RUNX1: variants seen among roughly 807,000 people sequenced by gnomAD.
RUNX1 encodes runt-related transcription factor 1.
Under a neutral mutation model 42.8 loss-of-function variants are expected in RUNX1, and 19 were observed. That is an observed-to-expected ratio of 0.44 (90% CI 0.31 to 0.65). RUNX1 has a LOEUF of 0.65. RUNX1 is among the 30% of genes least tolerant of loss of function. RUNX1 has a pLI of 0.07. For synonymous variants in RUNX1, 271 were observed against 289.4 expected (o/e 0.94, Z 0.64); for missense variants, 528 against 672.0 (o/e 0.79, Z 2.37).
chr21:34,954,312 G>A (rs1258793521), intron 2 of RUNX1, among the ~76,000 whole-genome samples: 2 of 152,174 alleles, frequency 1.3e-5, no homozygotes, highest in Admixed American at 6.5e-5. Context: ...AGGAGAAAAG[G>A]AGAGGGGAAA....
At chr21:34,873,225 C>T (rs955599430) in intron 5 of RUNX1, among the ~76,000 whole-genome samples, 1 of 152,194 alleles carries the variant, frequency 6.6e-6, no homozygotes, top group African/African-American at 2.4e-5. Flanking sequence ...ATCTGATGAG[C>T]ACACAGATGA....
intron 7 of RUNX1, among the ~76,000 whole-genome samples, chr21:34,806,514 T>C (rs73362032): frequency 0.032 from 4,806 of 152,170 alleles, 231 homozygotes; most frequent in African/African-American, 0.11. Flanking sequence ...CACGGAGAAA[T>C]AGGTAAATAC....
chr21:34,791,351 C>T lies in RUNX1; in HGVS notation c.*784G>A, dbSNP rs1300725671. ...TAAAAAATTATCAACACATAAATGT[C>T]TGAACATCAAGATACATAAATATCT... On this transcript the variant is annotated 3_prime_UTR_variant, in exon 9 of 9. Transcript: ENST00000675419. 1 of 230,170 alleles carries T rather than the reference C, an allele frequency of 4.3e-6. No homozygotes were observed. The highest frequency in any genetic ancestry group is 2.2e-5 in the African/African-American group (1 of 45,014). The allele number at this position is 230,170 out of a possible 1,614,324, so 14.3% of individuals were successfully genotyped here.
intron 2 of RUNX1, among the ~76,000 whole-genome samples, chr21:34,931,642 T>C (rs1484445274): frequency 1.5e-5 from 2 of 135,192 alleles, no homozygotes; most frequent in Non-Finnish European, 3.0e-5. Flanking sequence ...ATAAGGTTTA[T>C]CTGGGGTCCC....
intron 6 of RUNX1, among the ~76,000 whole-genome samples, chr21:34,839,652 G>A (rs1234526794): frequency 1.3e-5 from 2 of 152,130 alleles, no homozygotes; most frequent in Non-Finnish European, 2.9e-5. Context: ...CTGCTTGAGT[G>A]GGCAATGGAA....
At chr21:35,026,869 T>C (rs1429449705) in intron 2 of RUNX1, among the ~76,000 whole-genome samples, 1 of 152,266 alleles carries the variant, frequency 6.6e-6, no homozygotes, top group African/African-American at 2.4e-5. Context: ...ACGGAACTTC[T>C]GCAAAAGCTG....
chr21:34,978,099 G>A (rs781699871), intron 2 of RUNX1, among the ~76,000 whole-genome samples: 32 of 151,942 alleles, frequency 2.1e-4, no homozygotes, highest in Non-Finnish European at 3.5e-4. Context: ...CACCATGCCC[G>A]GCTAATTTTT....
intron 2 of RUNX1, among the ~76,000 whole-genome samples, chr21:34,960,960 T>C (rs1247023507): frequency 2.6e-5 from 4 of 152,184 alleles, no homozygotes; most frequent in African/African-American, 9.7e-5. Context: ...TCCTTTGGAA[T>C]TAGCAGACAG....
At chr21:34,859,627 A>G (rs1324709679) in intron 5 of RUNX1, 49 bp from the exon 6 acceptor site, 2 of 1,387,822 alleles carry the variant, frequency 1.4e-6, no homozygotes, top group Non-Finnish European at 1.0e-6. Flanking sequence ...GGTGGCCTGA[A>G]CATATCTGTT....
chr21:34,990,931 C>A (rs746335732), intron 2 of RUNX1, among the ~76,000 whole-genome samples: 1 of 152,162 alleles, frequency 6.6e-6, no homozygotes, highest in African/African-American at 2.4e-5. Flanking sequence ...TAAAAGCAGA[C>A]AAATGCTCAG....
chr21:34,869,267 C>T (rs2057704906), intron 5 of RUNX1, among the ~76,000 whole-genome samples: 1 of 152,194 alleles, frequency 6.6e-6, no homozygotes, highest in African/African-American at 2.4e-5. Context: ...TAGTTACATA[C>T]ACACCATCTC....
At chr21:35,042,396 G>A (rs891281950) in intron 2 of RUNX1, among the ~76,000 whole-genome samples, 3 of 152,348 alleles carry the variant, frequency 2.0e-5, no homozygotes, top group Admixed American at 1.3e-4. Flanking sequence ...CACACAGCCT[G>A]TCTTTGTCAC....
Position 35,047,514 on chromosome 21 carries a change from A to AAC in RUNX1, c.58+1326_58+1327dup, listed in dbSNP as rs145398828. ...CTTTAACTTCTCTCTTGCCATCTCC[A>AAC]ACACACACACACACACACACACACA... is the stretch of plus-strand genomic sequence containing the variant. On this transcript the variant is annotated intron_variant, in intron 2 of 8. Transcript: ENST00000675419. 3.1e-3 allele frequency among the ~76,000 whole-genome samples: 219 copies of AAC among 70,618 alleles called. 3 individuals carry two copies. The highest frequency in any genetic ancestry group is 8.2e-3 in the East Asian group (15 of 1,822). The allele number at this position is 70,618 out of a possible 152,430, so 46.3% of individuals were successfully genotyped here.
chr21:34,844,647 A>C (rs890084535), intron 6 of RUNX1, among the ~76,000 whole-genome samples: 6 of 152,202 alleles, frequency 3.9e-5, no homozygotes, highest in Non-Finnish European at 8.8e-5. Context: ...TTTATTCTGG[A>C]ATGCTCATCC....
intron 2 of RUNX1, among the ~76,000 whole-genome samples, chr21:34,992,689 G>GA (rs1215066347): frequency 2.7e-3 from 349 of 129,944 alleles, no homozygotes; most frequent in Admixed American, 4.6e-3. Flanking sequence ...AAAAAAAAAA[G>GA]AAAAAAAAAA....
chr21:34,804,741 A>AC (rs899138513), intron 7 of RUNX1, among the ~76,000 whole-genome samples: 3 of 128,104 alleles, frequency 2.3e-5, no homozygotes, highest in Non-Finnish European at 3.2e-5. Context: ...GGAGATGGAA[A>AC]CTTTTTTTTT....
intron 2 of RUNX1, among the ~76,000 whole-genome samples, chr21:34,962,255 T>C (rs1015293498): frequency 6.6e-6 from 1 of 152,212 alleles, no homozygotes; most frequent in Admixed American, 6.5e-5. Flanking sequence ...GAGAAGTTCA[T>C]TGCACTGTTT....
intron 2 of RUNX1, among the ~76,000 whole-genome samples, chr21:35,005,382 T>G (rs2059076679): frequency 6.6e-6 from 1 of 152,154 alleles, no homozygotes; most frequent in Non-Finnish European, 1.5e-5. Context: ...ACAATTAAAT[T>G]CCACACTTGA....
In RUNX1 at chr21:34,800,033, G is replaced by A. The variant is rs752835245; in HGVS notation, c.806-571C>T. 5.9e-5 allele frequency among the ~76,000 whole-genome samples: 9 copies of A among 152,224 alleles called. No homozygotes were observed. The East Asian group carries it at 1.4e-3, about 23-fold the overall frequency. ...GGAAAGAAGGTCTGGCTGGGAAACCGGCAATGAGGTCTAATGACTAGTTCA... is the reference window on the plus strand; with the variant it reads ...GGAAAGAAGGTCTGGCTGGGAAACCAGCAATGAGGTCTAATGACTAGTTCA... On this transcript the variant is annotated intron_variant, in intron 7 of 8. Coordinates refer to ENST00000675419, the MANE Select transcript of RUNX1 (RefSeq NM_001754.5).
Sources: gnomAD v4.1 joint callset for allele counts (sites outside exome capture counted in the v4.1 genomes callset) on GRCh38, gnomAD v4.1.1 for gene constraint, MANE v1.5 for transcripts, NCBI Gene and HGNC (gene_info 2026-07-23, HGNC 2026-07-21) for gene names.